Variants in ADGRV1 observed in about 807,000 individuals in gnomAD.
ADGRV1 encodes adhesion G protein-coupled receptor V1.
Under a neutral mutation model 596.2 loss-of-function variants are expected in ADGRV1, and 359 were observed. The ratio of observed to expected loss-of-function variants is 0.60; its 90% CI spans 0.55 to 0.66. The LOEUF is 0.66. ADGRV1 is among the 30% of genes least tolerant of loss of function. The pLI is 0.00. For synonymous variants in ADGRV1, 2,681 were observed against 2,679.2 expected (o/e 1.00, Z -0.02); for missense variants, 7,274 against 7,575.6 (o/e 0.96, Z 1.48).
At chr5:90,566,187 C>T (rs1033423806) in intron 1 of ADGRV1, among the ~76,000 whole-genome samples, 1 of 151,960 alleles carries the variant, frequency 6.6e-6, no homozygotes, top group Admixed American at 6.6e-5. Context: ...ATTTATTTAA[C>T]TTTCCTTTGG....
At chr5:91,054,102 T>TGTGAGAGAGAGAGAGA (rs1299621929) in intron 85 of ADGRV1, among the ~76,000 whole-genome samples, 3 of 126,672 alleles carry the variant, frequency 2.4e-5, no homozygotes, top group African/African-American at 9.5e-5. Flanking sequence ...TGTGTGTGTG[T>TGTGAGAGAGAGAGAGA]GAGAGAGAGA....
chr5:90,947,992 CAGG>C (rs1442006219), intron 83 of ADGRV1, among the ~76,000 whole-genome samples: 1 of 152,098 alleles, frequency 6.6e-6, no homozygotes, highest in Non-Finnish European at 1.5e-5. Context: ...CCAGACTTCC[CAGG>C]AGAACTCAGA....
chr5:90,826,047 AAGAG>A (rs1356177080), intron 76 of ADGRV1, among the ~76,000 whole-genome samples: 2 of 152,240 alleles, frequency 1.3e-5, no homozygotes, highest in African/African-American at 4.8e-5. Flanking sequence ...GAAATTTAAA[AAGAG>A]AGAAGATGGA....
chr5:90,812,517 G>A (rs1331966267), intron 74 of ADGRV1, among the ~76,000 whole-genome samples: 1 of 152,112 alleles, frequency 6.6e-6, no homozygotes, highest in Non-Finnish European at 1.5e-5. Context: ...ACTTGGAAAT[G>A]TACAGTACTC....
intron 83 of ADGRV1, among the ~76,000 whole-genome samples, chr5:90,885,469 C>T (rs1770189681): frequency 6.6e-6 from 1 of 152,148 alleles, no homozygotes; most frequent in Non-Finnish European, 1.5e-5. Context: ...TAGCTTAACT[C>T]CTTCAAATTA....
chr5:90,861,019 A>G (rs1767500259), intron 82 of ADGRV1, among the ~76,000 whole-genome samples: 1 of 152,150 alleles, frequency 6.6e-6, no homozygotes. Flanking sequence ...GTTTATATGT[A>G]TACAAACTTT....
At chr5:90,619,447 T>G (rs1473496359) in intron 4 of ADGRV1, among the ~76,000 whole-genome samples, 3 of 152,290 alleles carry the variant, frequency 2.0e-5, no homozygotes, top group Middle Eastern at 3.4e-3. Context: ...CTTTGTTAAC[T>G]CTTCTGTCTT....
intron 85 of ADGRV1, among the ~76,000 whole-genome samples, chr5:91,065,322 T>C (rs1385859428): frequency 1.3e-5 from 2 of 152,218 alleles, no homozygotes; most frequent in Non-Finnish European, 2.9e-5. Context: ...ATGACTATTA[T>C]CCTTGTCTTA....
intron 85 of ADGRV1, among the ~76,000 whole-genome samples, chr5:91,022,004 C>T (rs562867314): frequency 1.3e-5 from 2 of 152,074 alleles, no homozygotes; most frequent in South Asian, 4.2e-4. Flanking sequence ...AGAAAAGCGG[C>T]AATCGAGAGT....
chr5:90,864,472 C>T (rs1399779909), intron 83 of ADGRV1, among the ~76,000 whole-genome samples: 2 of 152,212 alleles, frequency 1.3e-5, no homozygotes, highest in East Asian at 1.9e-4. Flanking sequence ...AGTAGATGTA[C>T]ATATAAATAA....
At chr5:90,659,629 G>A (rs1331268351) in intron 21 of ADGRV1, among the ~76,000 whole-genome samples, 2 of 152,114 alleles carry the variant, frequency 1.3e-5, no homozygotes. Context: ...ATAATGTCAA[G>A]GAAAAATACC....
rs1250132820 is a variant in ADGRV1 at position 90,627,665 on chromosome 5, C to T, written c.1127C>T (p.Pro376Leu). ...CAGGGAGATGCTGTGCTAATAAGCC[C>T]TTCTGTTGTACAAGTCACCATTAAG... ...TLQGDAVLIS[P>L]SVVQVTIKPN... Residue 376 changes from proline (P) to leucine (L), a missense_variant, in exon 7 of 90, where the codon CCT becomes CTT. Around this residue, in one of 5 missense-constraint regions of ADGRV1, gnomAD observed 1,715 missense variants for 1,708.8 expected, o/e 1.00. Transcript: ENST00000405460. 6.2e-7 allele frequency: 1 copy of T among 1,613,668 alleles called. No individual in the cohort carries two copies. The highest frequency in any genetic ancestry group is 1.1e-5 in the South Asian group (1 of 91,052).
intron 83 of ADGRV1, among the ~76,000 whole-genome samples, chr5:90,940,528 G>A (rs1355879737): frequency 6.6e-6 from 1 of 152,150 alleles, no homozygotes; most frequent in African/African-American, 2.4e-5. Flanking sequence ...TATGCACTGG[G>A]TATAAATAGG....
At chr5:90,577,899 C>G (rs1316552922) in intron 1 of ADGRV1, among the ~76,000 whole-genome samples, 2 of 152,058 alleles carry the variant, frequency 1.3e-5, no homozygotes, top group African/African-American at 2.4e-5. Flanking sequence ...GGAATTCACT[C>G]ATGATTTGGC....
At chr5:90,811,429 G>T in intron 74 of ADGRV1, 91 bp downstream of exon 74, 1 of 1,217,952 alleles carries the variant, frequency 8.2e-7, no homozygotes, top group South Asian at 1.6e-5. Context: ...ATGGAAGAAG[G>T]TGAAGTTCTT....
At chr5:90,728,986 A>C in intron 49 of ADGRV1, 53 bp downstream of exon 49, 2 of 1,217,008 alleles carry the variant, frequency 1.6e-6, no homozygotes, top group Non-Finnish European at 2.3e-6. Context: ...ATCATCTAGC[A>C]TTCATATGGT....
chr5:90,708,277 G>A (rs1407768503), intron 38 of ADGRV1, among the ~76,000 whole-genome samples: 1 of 151,842 alleles, frequency 6.6e-6, no homozygotes, highest in East Asian at 1.9e-4. Flanking sequence ...TTTTCTCTAG[G>A]CCACCCTACA....
Position 90,702,477 on chromosome 5 carries a change from G to A in ADGRV1, c.8156-1188G>A, listed in dbSNP as rs76806581. Among the ~76,000 whole-genome samples the A allele has an allele frequency of 5.2e-3, 794 of 151,812 alleles. 2 individuals carry two copies. The highest frequency in any genetic ancestry group is 9.3e-3 in the South Asian group (45 of 4,826). Reference sequence around the variant, plus strand: ...TTTGTTAAAATTGTGTTTAAATTTAGTATGAAAAATTATTTTGTTTTTAAA... The same window carrying A: ...TTTGTTAAAATTGTGTTTAAATTTAATATGAAAAATTATTTTGTTTTTAAA... On this transcript the variant is annotated intron_variant, in intron 34 of 89. Transcript: ENST00000405460.
intron 84 of ADGRV1, among the ~76,000 whole-genome samples, chr5:90,984,134 G>A (rs1030329089): frequency 6.6e-6 from 1 of 151,962 alleles, no homozygotes; most frequent in African/African-American, 2.4e-5. Flanking sequence ...TGCAACTGAG[G>A]CTCTGAAAAT....
Sources: allele counts gnomAD v4.1 joint callset (sites outside exome capture counted in the v4.1 genomes callset), GRCh38; gene constraint gnomAD v4.1.1; regional missense constraint gnomAD v4.1.1; transcripts MANE v1.5; gene names NCBI Gene and HGNC (gene_info 2026-07-23, HGNC 2026-07-21).